RTF2: variants seen among roughly 807,000 people sequenced by gnomAD.
The protein encoded by RTF2 is UPF0549 protein C20orf43.
Under a neutral mutation model 38.0 loss-of-function variants are expected in RTF2, and 18 were observed. The ratio of observed to expected loss-of-function variants is 0.47; its 90% CI spans 0.33 to 0.70. The LOEUF (loss-of-function observed/expected upper bound fraction) is 0.70. Ranked by LOEUF, RTF2 falls within the 30% of genes least tolerant of loss-of-function variation. The pLI, the probability that RTF2 is intolerant of heterozygous loss-of-function variation, is 0.02. For missense variants in RTF2, 311 were observed against 379.6 expected (o/e 0.82, Z 1.50); for synonymous variants, 126 against 137.1 (o/e 0.92, Z 0.57).
rs541869543 is a variant in RTF2 at position 56,506,172 on chromosome 20, A to G, written c.478-7143A>G. Among the ~76,000 whole-genome samples, 4 of 152,296 alleles carry G rather than the reference A, an allele frequency of 2.6e-5. No individual in the cohort carries two copies. In the South Asian group the frequency reaches 8.3e-4, roughly 32 times the overall value. On this transcript the variant is annotated intron_variant, in intron 5 of 8. Transcript: ENST00000357348. ...CATTCAGCAGTTATTCACTGTGTCC[A>G]ATGTGGGCAGAACCCTAGGCTCCTC...
rs185254927 is a variant in RTF2, at chr20:56,490,636, G to C, written c.477+6447G>C. 1.2e-4 allele frequency among the ~76,000 whole-genome samples: 18 copies of C among 152,296 alleles called. No homozygotes were observed. In the East Asian group the frequency reaches 1.9e-3, roughly 16 times the overall value. ...TCGAGATCAGCCTGACCAACATGGAGACACCGCGTCTCTAGTAAAAATACA... is the reference window on the plus strand; with the variant it reads ...TCGAGATCAGCCTGACCAACATGGACACACCGCGTCTCTAGTAAAAATACA... On this transcript the variant is annotated intron_variant, in intron 5 of 8. Transcript: ENST00000357348.
chr20:56,491,539 T>TAAGAAAGCAAACACTCCCTA (rs1193008313), intron 5 of RTF2: 1 of 1,452,716 alleles, frequency 6.9e-7, no homozygotes, highest in South Asian at 1.2e-5. Flanking sequence ...ATGATACCAG[T>TAAGAAAGCAAACACTCCCTA]AAGAAAGCAA....
intron 5 of RTF2, among the ~76,000 whole-genome samples, chr20:56,512,433 CAG>C (rs1039318695): frequency 2.0e-5 from 3 of 152,166 alleles, no homozygotes; most frequent in African/African-American, 7.2e-5. Flanking sequence ...GGAGCCAACA[CAG>C]AAAGAGTGCT....
chr20:56,468,691 T>C lies in RTF2; in HGVS notation c.-7T>C, dbSNP rs1280747535. 3 of 1,574,602 alleles carry C rather than the reference T, an allele frequency of 1.9e-6. No homozygotes were observed. Among genetic ancestry groups the C allele is most frequent in the East Asian group, 2.4e-5 (1 of 42,466 alleles). On this transcript the variant is annotated 5_prime_UTR_variant, in exon 1 of 9. Transcript: ENST00000357348. ...GGTTTGCTGCTGGCTCTGACTCCCG[T>C]CCTGCGATGGGTTGCGACGGGGGAA... is the stretch of plus-strand genomic sequence containing the variant.
At chr20:56,480,871 A>C (rs1430538117) in intron 4 of RTF2, among the ~76,000 whole-genome samples, 1 of 152,220 alleles carries the variant, frequency 6.6e-6, no homozygotes. Flanking sequence ...AAACAATTAC[A>C]AAAGTAACAT....
At chr20:56,497,619 C>A (rs1249811383) in intron 5 of RTF2, 2 of 1,281,114 alleles carry the variant, frequency 1.6e-6, no homozygotes, top group Non-Finnish European at 2.0e-6. Flanking sequence ...ATCTTGAGCT[C>A]CAGGTGCATT....
At chr20:56,483,887 C>G (rs1982648308) in intron 4 of RTF2, among the ~76,000 whole-genome samples, 1 of 151,884 alleles carries the variant, frequency 6.6e-6, no homozygotes, top group Admixed American at 6.6e-5. Context: ...GTTCTTTTGA[C>G]TTTTGATGTT....
chr20:56,489,311 G>A (rs779692184), intron 5 of RTF2, among the ~76,000 whole-genome samples: 2 of 149,782 alleles, frequency 1.3e-5, no homozygotes, highest in Non-Finnish European at 3.0e-5. Flanking sequence ...TGATCCACCC[G>A]CCTCAGCCTT....
chr20:56,502,567 T>G (rs558884580), intron 5 of RTF2, among the ~76,000 whole-genome samples: 9 of 152,280 alleles, frequency 5.9e-5, no homozygotes, highest in Admixed American at 4.6e-4. Context: ...CCATATATAC[T>G]CTTTCGTTGC....
At chr20:56,482,892 A>T (rs1418650662) in intron 4 of RTF2, among the ~76,000 whole-genome samples, 2 of 152,168 alleles carry the variant, frequency 1.3e-5, no homozygotes, top group African/African-American at 4.8e-5. Context: ...ACACACCCAT[A>T]TCCACGCTTC....
chr20:56,469,637 A>G (rs1981856183), intron 1 of RTF2, among the ~76,000 whole-genome samples: 1 of 152,216 alleles, frequency 6.6e-6, no homozygotes, highest in Admixed American at 6.5e-5. Context: ...GACTTCATGT[A>G]TTCTGATTCA....
intron 8 of RTF2, among the ~76,000 whole-genome samples, chr20:56,517,434 T>C (rs1027158704): frequency 6.6e-5 from 10 of 152,124 alleles, no homozygotes; most frequent in African/African-American, 2.4e-4. Context: ...GTTGTTTAGA[T>C]TCCTGTCGAG....
chr20:56,497,008 C>T, intron 5 of RTF2: 3 of 1,551,832 alleles, frequency 1.9e-6, no homozygotes, highest in Non-Finnish European at 2.6e-6. Context: ...AGATTGATGA[C>T]ATAGTTCCAT....
chr20:56,488,221 C>G (rs1260926978), intron 5 of RTF2, among the ~76,000 whole-genome samples: 1 of 151,970 alleles, frequency 6.6e-6, no homozygotes, highest in Admixed American at 6.5e-5. Flanking sequence ...ATTAGCTGGG[C>G]TTGGTGGTGC....
chr20:56,481,334 G>A (rs1233223858), intron 4 of RTF2, among the ~76,000 whole-genome samples: 2 of 152,226 alleles, frequency 1.3e-5, no homozygotes, highest in African/African-American at 2.4e-5. Flanking sequence ...GTGCCAGGCC[G>A]TGTTGCGTGT....
At chr20:56,512,791 T>TA (rs1984761695) in intron 5 of RTF2, among the ~76,000 whole-genome samples, 2 of 152,326 alleles carry the variant, frequency 1.3e-5, no homozygotes, top group Admixed American at 1.3e-4. Flanking sequence ...GGGGCTTCCT[T>TA]ACGCGCACTC....
chr20:56,477,444 T>C (rs892299013), intron 4 of RTF2, among the ~76,000 whole-genome samples: 1 of 152,228 alleles, frequency 6.6e-6, no homozygotes, highest in Non-Finnish European at 1.5e-5. Flanking sequence ...GATCATCTTT[T>C]CCTGTGGGAC....
intron 5 of RTF2, among the ~76,000 whole-genome samples, chr20:56,502,103 G>A (rs1983963813): frequency 6.6e-6 from 1 of 152,204 alleles, no homozygotes; most frequent in African/African-American, 2.4e-5. Context: ...TCAGTTGACT[G>A]AAGCCATCTA....
chr20:56,508,513 C>A lies in RTF2; in HGVS notation c.478-4802C>A, dbSNP rs539202344. On this transcript the variant is annotated intron_variant, in intron 5 of 8. Transcript: ENST00000357348. ...ACTAAATATTTTAGTTAATAACAGACCTTATCTGGCATACTTTTAAACATC... is the reference window on the plus strand; with the variant it reads ...ACTAAATATTTTAGTTAATAACAGAACTTATCTGGCATACTTTTAAACATC... Among the ~76,000 whole-genome samples the A allele has an allele frequency of 7.0e-4, 106 of 152,128 alleles. No individual in the cohort carries two copies. The Middle Eastern group carries it at 0.034, about 49-fold the overall frequency.
Sources: allele counts gnomAD v4.1 joint callset (sites outside exome capture counted in the v4.1 genomes callset), GRCh38; gene constraint gnomAD v4.1.1; transcripts MANE v1.5; gene names NCBI Gene and HGNC (gene_info 2026-07-23, HGNC 2026-07-21).